PTK2: variants seen among roughly 807,000 people sequenced by gnomAD.
The protein encoded by PTK2 is focal adhesion kinase 1.
PTK2 carries 45 observed loss-of-function variants against 150.1 expected under a neutral mutation model. The ratio of observed to expected loss-of-function variants is 0.30; its 90% CI spans 0.24 to 0.38. The LOEUF is 0.38. Among genes scored for constraint, PTK2 ranks in the 10% least tolerant of loss-of-function variants. The probability of loss-of-function intolerance (pLI) is 1.00; values close to 1 mark genes in which losing one functional copy is unlikely to be tolerated. For synonymous variants in PTK2, 432 were observed against 449.2 expected, an observed-to-expected ratio of 0.96 and a Z score of 0.48; for missense variants, 919 against 1,307.3, an observed-to-expected ratio of 0.70 and a Z score of 4.58.
At chr8:140,901,228 A>ATC (rs57637314) in intron 2 of PTK2, among the ~76,000 whole-genome samples, 3,959 of 150,280 alleles carry the variant, frequency 0.026, 153 homozygotes, top group African/African-American at 0.086. Flanking sequence ...ATGAAATTAC[A>ATC]TCTCTCTCTC....
At chr8:140,935,001 A>G (rs2100173129) in intron 1 of PTK2, among the ~76,000 whole-genome samples, 1 of 152,230 alleles carries the variant, frequency 6.6e-6, no homozygotes, top group Non-Finnish European at 1.5e-5. Flanking sequence ...TGCAATTACA[A>G]CATTAACAAG....
intron 1 of PTK2, among the ~76,000 whole-genome samples, chr8:140,977,056 A>G (rs1466337478): frequency 6.6e-6 from 1 of 152,246 alleles, no homozygotes; most frequent in Non-Finnish European, 1.5e-5. Flanking sequence ...AATTTACAAA[A>G]TATGTCTAAA....
At chr8:140,666,106 G>A (rs915255260) in intron 30 of PTK2, among the ~76,000 whole-genome samples, 1 of 152,214 alleles carries the variant, frequency 6.6e-6, no homozygotes, top group African/African-American at 2.4e-5. Context: ...GGGAGGCCGA[G>A]GCAGGCAGAT....
chr8:140,770,163 G>A (rs1223407745), intron 14 of PTK2, among the ~76,000 whole-genome samples: 1 of 152,202 alleles, frequency 6.6e-6, no homozygotes, highest in East Asian at 1.9e-4. Flanking sequence ...TCCCATTTAA[G>A]TTTGCACAGA....
chr8:140,986,905 A>G lies in PTK2; in HGVS notation c.-122+14220T>C, dbSNP rs745362694. Among the ~76,000 whole-genome samples the G allele has an allele frequency of 9.5e-4, 144 of 152,226 alleles. 3 individuals are homozygous for G. The highest frequency in any genetic ancestry group is 1.9e-4 in the Non-Finnish European group (13 of 68,044). On this transcript the variant is annotated intron_variant, in intron 1 of 31. Transcript: ENST00000522684. ...AATCATAAACCTAAAAGTAAAATCTAAAACTTCTAGGAGAAAAAAATCAGA... is the reference window on the plus strand; with the variant it reads ...AATCATAAACCTAAAAGTAAAATCTGAAACTTCTAGGAGAAAAAAATCAGA...
At chr8:140,891,897 C>T (rs1426229056) in intron 2 of PTK2, among the ~76,000 whole-genome samples, 1 of 152,158 alleles carries the variant, frequency 6.6e-6, no homozygotes, top group Non-Finnish European at 1.5e-5. Flanking sequence ...ACCTGGAGTA[C>T]AATTCCTGCT....
At chr8:140,911,062 T>G (rs923121203) in intron 2 of PTK2, among the ~76,000 whole-genome samples, 3 of 142,152 alleles carry the variant, frequency 2.1e-5, no homozygotes, top group African/African-American at 5.0e-5. Context: ...TTTTTTTTTT[T>G]GTATTTTTTG....
intron 1 of PTK2, among the ~76,000 whole-genome samples, chr8:140,962,889 A>C (rs1462674799): frequency 6.7e-6 from 1 of 149,024 alleles, no homozygotes; most frequent in African/African-American, 2.5e-5. Context: ...CCCCCAACCC[A>C]ACCTACCTAG....
intron 1 of PTK2, among the ~76,000 whole-genome samples, chr8:140,941,224 G>A (rs1034428138): frequency 6.6e-6 from 1 of 152,108 alleles, no homozygotes; most frequent in Non-Finnish European, 1.5e-5. Flanking sequence ...GAAAAATACA[G>A]GGATGGAGTG....
intron 4 of PTK2, among the ~76,000 whole-genome samples, chr8:140,865,898 C>T (rs953376066): frequency 2.6e-5 from 4 of 152,172 alleles, no homozygotes; most frequent in African/African-American, 9.7e-5. Flanking sequence ...GATCCTCCCA[C>T]CTCAGCCTCT....
At chr8:140,874,688 A>G (rs368374098) in intron 4 of PTK2, among the ~76,000 whole-genome samples, 1 of 152,282 alleles carries the variant, frequency 6.6e-6, no homozygotes, top group African/African-American at 2.4e-5. Context: ...CTACATGATA[A>G]GACTATCATA....
At chr8:140,797,444 A>C (rs924571653) in intron 12 of PTK2, among the ~76,000 whole-genome samples, 1 of 152,220 alleles carries the variant, frequency 6.6e-6, no homozygotes, top group African/African-American at 2.4e-5. Context: ...AGCAGCACAT[A>C]AGTGTTTTAA....
chr8:140,780,531 C>T (rs1310203839), intron 14 of PTK2, among the ~76,000 whole-genome samples: 3 of 152,010 alleles, frequency 2.0e-5, no homozygotes, highest in African/African-American at 7.3e-5. Context: ...CAGCCTAATC[C>T]AGAATATGAG....
chr8:140,775,288 C>A (rs2100077764), intron 14 of PTK2, among the ~76,000 whole-genome samples: 2 of 152,056 alleles, frequency 1.3e-5, no homozygotes, highest in South Asian at 4.2e-4. Context: ...AGTTGGGAGA[C>A]CAGCCTGGGA....
chr8:140,757,380 T>A (rs1319534539), intron 16 of PTK2, among the ~76,000 whole-genome samples: 1 of 151,972 alleles, frequency 6.6e-6, no homozygotes, highest in South Asian at 2.1e-4. Context: ...AATACACCCA[T>A]AGTTAAAAAA....
intron 5 of PTK2, among the ~76,000 whole-genome samples, chr8:140,850,020 T>G (rs1296530003): frequency 1.3e-5 from 2 of 152,170 alleles, no homozygotes. Context: ...CCTGAGGTAT[T>G]GGAACACTGG....
At chr8:140,908,493 C>T (rs1458342308) in intron 2 of PTK2, among the ~76,000 whole-genome samples, 1 of 152,210 alleles carries the variant, frequency 6.6e-6, no homozygotes, top group African/African-American at 2.4e-5. Context: ...AAGATGCCAT[C>T]TAGGACTTTG....
rs73369949 is a variant in PTK2, at chr8:140,728,405, A to G, written c.2030+6846T>C. Among the ~76,000 whole-genome samples the G allele has an allele frequency of 3.2e-3, 492 of 152,304 alleles. 4 individuals carry two copies. Among genetic ancestry groups the G allele is most frequent in the Middle Eastern group, 0.02 (6 of 294 alleles). ...TAACTGGTAACTCTTCTGTACTCTA[A>G]GATCACCAGGTCCCTTCTGGATTTT... is the stretch of plus-strand genomic sequence containing the variant. On this transcript the variant is annotated intron_variant, in intron 22 of 31. Coordinates refer to ENST00000522684, the Ensembl canonical transcript of PTK2.
At chr8:140,797,950 T>A (rs1300970543) in intron 12 of PTK2, among the ~76,000 whole-genome samples, 3 of 152,124 alleles carry the variant, frequency 2.0e-5, no homozygotes, top group Non-Finnish European at 4.4e-5. Flanking sequence ...CAAGGTAACA[T>A]CCCTTTTAAA....
Sources: gnomAD v4.1 joint callset for allele counts (sites outside exome capture counted in the v4.1 genomes callset) on GRCh38, gnomAD v4.1.1 for gene constraint, MANE v1.5 for transcripts, NCBI Gene and HGNC (gene_info 2026-07-23, HGNC 2026-07-21) for gene names.